Variants in ZNF385D observed in about 807,000 individuals in gnomAD.
ZNF385D encodes the protein zinc finger protein 385D, also known as zinc finger protein 659.
ZNF385D carries 15 observed loss-of-function variants against 35.8 expected under a neutral mutation model. That is an observed-to-expected ratio of 0.42 (90% CI 0.28 to 0.64). The LOEUF (loss-of-function observed/expected upper bound fraction) is 0.64, where lower values mean the gene tolerates loss of function less well. Ranked by LOEUF, ZNF385D falls within the 30% of genes least tolerant of loss-of-function variation. The probability of loss-of-function intolerance (pLI) is 0.23; values close to 1 mark genes in which losing one functional copy is unlikely to be tolerated. For synonymous variants in ZNF385D, 212 were observed against 186.8 expected (o/e 1.13, Z -1.10); for missense variants, 474 against 494.6 (o/e 0.96, Z 0.39).
At position 22,302,787 on chromosome 3, in the gene ZNF385D, C is replaced by T. The variant is rs1172763658; in HGVS notation, c.106+69663G>A. Reference sequence around the variant, plus strand: ...TAGTTTTAATGTTACTTTGAAAGGCCTCACATGTCTTTCATTAAATTTATT... The same window carrying T: ...TAGTTTTAATGTTACTTTGAAAGGCTTCACATGTCTTTCATTAAATTTATT... On this transcript the variant is annotated intron_variant, in intron 2 of 5. Transcript: ENST00000494108. Among the ~76,000 whole-genome samples, 5 of 151,942 alleles carry T rather than the reference C, an allele frequency of 3.3e-5. No individual in the cohort carries two copies. In the East Asian group the frequency reaches 7.7e-4, roughly 23 times the overall value.
chr3:22,304,509 C>G (rs1271582451), intron 2 of ZNF385D, among the ~76,000 whole-genome samples: 1 of 152,114 alleles, frequency 6.6e-6, no homozygotes, highest in Non-Finnish European at 1.5e-5. Context: ...ACCATCAAAT[C>G]TATCTGAGGC....
chr3:21,665,122 G>C, intron 1 of ZNF385D, 94 bp from the exon 2 acceptor site: 1 of 1,433,886 alleles, frequency 7.0e-7, no homozygotes, highest in Non-Finnish European at 9.2e-7. Context: ...CAGCTTTGTG[G>C]GTCACTGGAA....
intron 3 of ZNF385D, among the ~76,000 whole-genome samples, chr3:21,894,066 T>C (rs1160837954): frequency 6.6e-6 from 1 of 152,180 alleles, no homozygotes; most frequent in Non-Finnish European, 1.5e-5. Context: ...GGCAGTTAGA[T>C]ACATGTTTTC....
At chr3:21,771,253 A>C (rs2071067015) in intron 3 of ZNF385D, among the ~76,000 whole-genome samples, 1 of 151,750 alleles carries the variant, frequency 6.6e-6, no homozygotes, top group African/African-American at 2.4e-5. Context: ...AAAAAAAAAA[A>C]CCTGAGGAAG....
chr3:21,768,921 T>C (rs988042305), intron 3 of ZNF385D, among the ~76,000 whole-genome samples: 1 of 151,940 alleles, frequency 6.6e-6, no homozygotes, highest in Admixed American at 6.6e-5. Flanking sequence ...ACTAAATAAA[T>C]GGGAAATTTA....
chr3:22,036,572 A>T (rs1268669397), intron 3 of ZNF385D, among the ~76,000 whole-genome samples: 4 of 152,130 alleles, frequency 2.6e-5, no homozygotes, highest in Admixed American at 2.6e-4. Context: ...TTTTTTAGGA[A>T]AAAAACAAAT....
chr3:22,343,492 AC>A (rs527642065), intron 2 of ZNF385D, among the ~76,000 whole-genome samples: 20 of 152,320 alleles, frequency 1.3e-4, no homozygotes, highest in African/African-American at 4.1e-4. Context: ...TGGTGGGACT[AC>A]CCTGGTGGGA....
At chr3:22,167,539 C>A (rs1443999930) in intron 3 of ZNF385D, among the ~76,000 whole-genome samples, 4 of 152,188 alleles carry the variant, frequency 2.6e-5, no homozygotes, top group Non-Finnish European at 5.9e-5. Flanking sequence ...TCAGGACCCA[C>A]CAATCATGGG....
intron 1 of ZNF385D, among the ~76,000 whole-genome samples, chr3:21,748,925 A>G (rs565493791): frequency 8.7e-5 from 13 of 149,176 alleles, no homozygotes; most frequent in African/African-American, 2.9e-4. Context: ...TGTACCACAC[A>G]TTTTTTTTTT....
chr3:21,788,678 C>T lies in ZNF385D; in HGVS notation c.326-123650G>A, dbSNP rs536313984. ...CTGTTGCTTTTTTAAATTTTTGATT[C>T]GGGGGCATATGTGCATTTTTAAAAG... On this transcript the variant is annotated intron_variant, in intron 3 of 5. Coordinates refer to the ZNF385D transcript ENST00000494108. Among the ~76,000 whole-genome samples the T allele has an allele frequency of 1.9e-4, 29 of 152,186 alleles. 2 individuals are homozygous for T. Among genetic ancestry groups the T allele is most frequent in the African/African-American group, 2.6e-4 (11 of 41,530 alleles).
chr3:21,877,143 G>C (rs1489461862), intron 3 of ZNF385D, among the ~76,000 whole-genome samples: 1 of 152,068 alleles, frequency 6.6e-6, no homozygotes, highest in Non-Finnish European at 1.5e-5. Flanking sequence ...AACTTACCAT[G>C]TGGAACACCA....
intron 3 of ZNF385D, among the ~76,000 whole-genome samples, chr3:21,965,935 A>G (rs535467189): frequency 2.0e-5 from 3 of 152,316 alleles, no homozygotes; most frequent in Non-Finnish European, 4.4e-5. Flanking sequence ...TAAAGTCTAG[A>G]TAAGAGTTCT....
At chr3:21,550,288 G>A (rs2062521220) in intron 3 of ZNF385D, among the ~76,000 whole-genome samples, 1 of 152,002 alleles carries the variant, frequency 6.6e-6, no homozygotes, top group South Asian at 2.1e-4. Context: ...GATATATTAA[G>A]ACATGATTTT....
intron 2 of ZNF385D, among the ~76,000 whole-genome samples, chr3:22,289,995 A>G (rs1185007266): frequency 6.6e-6 from 1 of 152,130 alleles, no homozygotes; most frequent in Non-Finnish European, 1.5e-5. Context: ...GGAAGCTTTG[A>G]GTTTTAGCCC....
At chr3:22,256,538 CTA>C (rs1700327336) in intron 2 of ZNF385D, among the ~76,000 whole-genome samples, 1 of 151,694 alleles carries the variant, frequency 6.6e-6, no homozygotes, top group Non-Finnish European at 1.5e-5. Context: ...GATTTGGAAT[CTA>C]TGTGGGTATA....
intron 3 of ZNF385D, among the ~76,000 whole-genome samples, chr3:21,914,519 T>G (rs1700108456): frequency 6.6e-6 from 1 of 151,948 alleles, no homozygotes; most frequent in South Asian, 2.1e-4. Flanking sequence ...CATACCTCAT[T>G]AAAATTCAGT....
intron 2 of ZNF385D, among the ~76,000 whole-genome samples, chr3:22,247,372 C>A (rs1250559664): frequency 6.6e-6 from 1 of 151,870 alleles, no homozygotes; most frequent in East Asian, 1.9e-4. Flanking sequence ...AAATTTTCAA[C>A]CAGATTTTTT....
intron 3 of ZNF385D, among the ~76,000 whole-genome samples, chr3:22,028,686 G>C (rs780685097): frequency 1.3e-5 from 2 of 152,154 alleles, no homozygotes; most frequent in African/African-American, 4.8e-5. Flanking sequence ...CATGATCATG[G>C]TATTCCACAC....
chr3:22,229,719 C>G (rs1020705680), intron 2 of ZNF385D, among the ~76,000 whole-genome samples: 1 of 152,168 alleles, frequency 6.6e-6, no homozygotes, highest in African/African-American at 2.4e-5. Flanking sequence ...CCACCTACAG[C>G]AATAGACAAG....
Sources: gnomAD v4.1 joint callset for allele counts (sites outside exome capture counted in the v4.1 genomes callset) on GRCh38, gnomAD v4.1.1 for gene constraint, MANE v1.5 for transcripts, NCBI Gene and HGNC (gene_info 2026-07-23, HGNC 2026-07-21) for gene names.